The following DZANK1 variants were observed in gnomAD, a reference collection of about 807,000 sequenced individuals.
DZANK1 encodes the protein double zinc ribbon and ankyrin repeat domains 1.
In DZANK1, 91 loss-of-function variants were observed where a neutral mutation model predicts 94.5. That is an observed-to-expected ratio of 0.96 (90% CI 0.81 to 1.15). The LOEUF (loss-of-function observed/expected upper bound fraction) is 1.15. DZANK1 is among the 50% of genes most tolerant of loss of function. DZANK1 has a pLI of 0.00. For synonymous variants in DZANK1, 312 were observed against 325.3 expected (o/e 0.96, Z 0.44); for missense variants, 903 against 916.4 (o/e 0.99, Z 0.19).
intron 13 of DZANK1, among the ~76,000 whole-genome samples, chr20:18,408,821 G>T (rs143448462): frequency 1.3e-5 from 2 of 152,248 alleles, no homozygotes; most frequent in Non-Finnish European, 2.9e-5. Context: ...ATTATCCGAA[G>T]GTCCAAAATT....
intron 9 of DZANK1, chr20:18,432,422 C>T (rs2058320941): frequency 6.6e-6 from 1 of 152,176 alleles, no homozygotes; most frequent in African/African-American, 2.4e-5. Flanking sequence ...TAGTGGCTTC[C>T]TGCAGTGGCT....
At chr20:18,465,361 T>G in exon 2 of DZANK1, 1 of 779,356 alleles carries the variant, frequency 1.3e-6, no homozygotes, top group Non-Finnish European at 1.8e-6. Flanking sequence ...GCAGTCATTT[T>G]CTCTCTCTCT....
chr20:18,435,302 C>T (rs1048974347), intron 8 of DZANK1, among the ~76,000 whole-genome samples: 7 of 152,178 alleles, frequency 4.6e-5, no homozygotes, highest in Non-Finnish European at 8.8e-5. Flanking sequence ...AAAGGAAAAG[C>T]TGCTGCTCTA....
chr20:18,412,523 G>A lies in DZANK1; in HGVS notation c.1432+123C>T, dbSNP rs375894762. ...ACAAAGAAAATTACTTGAAAAAGAG[G>A]AAAAGAAAGAAACTTACTTCTTACA... is the stretch of plus-strand genomic sequence containing the variant. On this transcript the variant is annotated intron_variant, in intron 13 of 20. Coordinates refer to ENST00000262547, the Ensembl canonical transcript of DZANK1. The A allele has an allele frequency of 2.5e-3, 2,532 of 1,014,864 alleles. 5 individuals carry two copies. The highest frequency in any genetic ancestry group is 3.0e-3 in the Non-Finnish European group (2,056 of 683,674). The allele number at this position is 1,014,864 out of a possible 1,614,324, so 62.9% of individuals were successfully genotyped here. A position where few individuals can be genotyped will look rare whatever the true frequency, so the allele number is the denominator to read the frequency against.
At position 18,391,533 on chromosome 20, in the gene DZANK1, G is replaced by C. The variant is rs567926237; in HGVS notation, c.1810-1074C>G. Among the ~76,000 whole-genome samples the C allele has an allele frequency of 8.5e-5, 13 of 152,258 alleles. No homozygotes were observed. In the South Asian group the frequency reaches 2.5e-3, roughly 29 times the overall value. On this transcript the variant is annotated intron_variant, in intron 17 of 20. Transcript: ENST00000262547. ...CAGGCGTGAGTCACTGGGCCTGGCTGAGTAACTTATCTTTTTATATTTTTA... is the reference window on the plus strand; with the variant it reads ...CAGGCGTGAGTCACTGGGCCTGGCTCAGTAACTTATCTTTTTATATTTTTA...
intron 16 of DZANK1, 81 bp from the exon 17 acceptor site, chr20:18,393,892 C>T (rs571692895): frequency 9.4e-6 from 9 of 958,658 alleles, no homozygotes; most frequent in African/African-American, 8.2e-5. Flanking sequence ...CTTCCACGTC[C>T]CTCAAAAGTC....
At chr20:18,417,556 A>G (rs1302994295) in intron 10 of DZANK1, among the ~76,000 whole-genome samples, 1 of 152,212 alleles carries the variant, frequency 6.6e-6, no homozygotes, top group African/African-American at 2.4e-5. Flanking sequence ...ACATTAATAG[A>G]CAACTCTCAA....
At position 18,433,713 on chromosome 20, in the gene DZANK1, C is replaced by A. The variant is rs1242952247; in HGVS notation, c.800G>T (p.Cys267Phe). The A allele has an allele frequency of 1.9e-6, 3 of 1,613,942 alleles. No homozygotes were observed. The African/African-American group carries it at 4.0e-5, about 22-fold the overall frequency. ...AGCAAGAGGGGCCTCACACACCACA[C>A]AGATGGGAGTGTTCATGGGTACCAA... The change falls in exon 9 of 21, where the codon TGT becomes TTT. Residue 267 changes from cysteine (C) to phenylalanine (F), a missense_variant. Transcript: ENST00000262547.
exon 12 of DZANK1, chr20:18,414,361 C>T (rs750727435): frequency 9.3e-6 from 15 of 1,613,662 alleles, no homozygotes; most frequent in South Asian, 2.2e-5. Flanking sequence ...AGAAAAAGGG[C>T]GAGGTTCCTC....
At chr20:18,463,931 T>C (rs1478448641) in intron 2 of DZANK1, among the ~76,000 whole-genome samples, 1 of 152,162 alleles carries the variant, frequency 6.6e-6, no homozygotes, top group African/African-American at 2.4e-5. Flanking sequence ...TGTTCATATG[T>C]TTTACCTGTG....
intron 2 of DZANK1, among the ~76,000 whole-genome samples, chr20:18,464,968 C>T (rs2059594615): frequency 6.6e-6 from 1 of 151,592 alleles, no homozygotes; most frequent in South Asian, 2.1e-4. Context: ...AACCACCGCA[C>T]CCGGCCAGCA....
At chr20:18,453,584 T>C (rs2059181251) in intron 5 of DZANK1, 147 bp downstream of exon 5, 1 of 627,252 alleles carries the variant, frequency 1.6e-6, no homozygotes, top group African/African-American at 1.8e-5. Flanking sequence ...AAGGACGTCA[T>C]TAAAATTCAA....
At chr20:18,457,811 A>G (rs563466305) in intron 3 of DZANK1, among the ~76,000 whole-genome samples, 3 of 152,316 alleles carry the variant, frequency 2.0e-5, no homozygotes, top group African/African-American at 7.2e-5. Context: ...GGATTGGGAA[A>G]TATCTTCTAG....
At chr20:18,396,641 A>C (rs1386015612) in intron 14 of DZANK1, 95 bp from the exon 15 acceptor site, 13 of 784,036 alleles carry the variant, frequency 1.7e-5, no homozygotes, top group Middle Eastern at 2.4e-4. Context: ...CAAACTCTAA[A>C]TTTAACCAAA....
At chr20:18,444,372 T>C (rs1443021324) in intron 7 of DZANK1, among the ~76,000 whole-genome samples, 1 of 152,198 alleles carries the variant, frequency 6.6e-6, no homozygotes, top group African/African-American at 2.4e-5. Flanking sequence ...GACTATCTCA[T>C]TCCACTGATT....
chr20:18,418,870 C>T (rs555907682), intron 10 of DZANK1, among the ~76,000 whole-genome samples: 7 of 152,078 alleles, frequency 4.6e-5, no homozygotes, highest in Admixed American at 2.0e-4. Context: ...ATTTACTAGA[C>T]GGACTGAATA....
chr20:18,413,550 G>A (rs983117741), intron 12 of DZANK1, among the ~76,000 whole-genome samples: 7 of 152,244 alleles, frequency 4.6e-5, no homozygotes, highest in Non-Finnish European at 5.9e-5. Flanking sequence ...GGGAGGCCAC[G>A]GTGGGTGGAT....
chr20:18,443,121 A>G (rs570821937), intron 8 of DZANK1, among the ~76,000 whole-genome samples: 1 of 152,346 alleles, frequency 6.6e-6, no homozygotes, highest in South Asian at 2.1e-4. Flanking sequence ...AAACAATAAG[A>G]TTCCAATCTT....
intron 13 of DZANK1, among the ~76,000 whole-genome samples, chr20:18,409,677 C>G (rs2057143344): frequency 6.6e-6 from 1 of 151,498 alleles, no homozygotes; most frequent in Non-Finnish European, 1.5e-5. Flanking sequence ...TCAACAGATT[C>G]AAAAAGAGAG....
Sources: gnomAD v4.1 joint callset for allele counts (sites outside exome capture counted in the v4.1 genomes callset) on GRCh38, gnomAD v4.1.1 for gene constraint, MANE v1.5 for transcripts, NCBI Gene and HGNC (gene_info 2026-07-23, HGNC 2026-07-21) for gene names.